PDZRN4: variants seen among roughly 807,000 people sequenced by gnomAD.
PDZRN4 encodes the protein PDZ domain containing ring finger 4, also known as PDZ domain-containing RING finger protein 4.
PDZRN4 carries 70 observed loss-of-function variants against 99.0 expected under a neutral mutation model. That is an observed-to-expected ratio of 0.71 (90% CI 0.58 to 0.86). The LOEUF (loss-of-function observed/expected upper bound fraction) is 0.86. Among genes scored for constraint, PDZRN4 ranks in the 40% least tolerant of loss-of-function variants. The probability of loss-of-function intolerance (pLI) is 0.00; values close to 1 mark genes in which losing one functional copy is unlikely to be tolerated. For missense variants in PDZRN4, 1,474 were observed against 1,331.2 expected (o/e 1.11, Z -1.67); for synonymous variants, 551 against 501.6 (o/e 1.10, Z -1.32).
At chr12:41,422,769 C>A (rs1262740107) in intron 3 of PDZRN4, among the ~76,000 whole-genome samples, 5 of 152,152 alleles carry the variant, frequency 3.3e-5, no homozygotes, top group Non-Finnish European at 7.3e-5. Context: ...TGGGTGGGGA[C>A]ACAGAGCCAA....
chr12:41,342,023 T>C (rs1393937027), intron 3 of PDZRN4, among the ~76,000 whole-genome samples: 1 of 151,680 alleles, frequency 6.6e-6, no homozygotes, highest in Non-Finnish European at 1.5e-5. Flanking sequence ...TGGAACACAA[T>C]AAAAATCCCA....
intron 3 of PDZRN4, among the ~76,000 whole-genome samples, chr12:41,489,205 T>C (rs1377019535): frequency 6.6e-6 from 1 of 152,120 alleles, no homozygotes; most frequent in East Asian, 1.9e-4. Flanking sequence ...ACACCTCTGC[T>C]AGTCTAGGGA....
chr12:41,198,565 T>C (rs145810945), intron 3 of PDZRN4, among the ~76,000 whole-genome samples: 275 of 139,136 alleles, frequency 2.0e-3, no homozygotes, highest in Non-Finnish European at 3.2e-3. Flanking sequence ...TCCTTTTCTT[T>C]AGAAATAGTT....
chr12:41,324,680 T>A (rs2120980032), intron 3 of PDZRN4, among the ~76,000 whole-genome samples: 1 of 152,204 alleles, frequency 6.6e-6, no homozygotes, highest in African/African-American at 2.4e-5. Context: ...GTGGTATTTG[T>A]CATATATTCT....
At chr12:41,477,683 T>C (rs187134384) in intron 3 of PDZRN4, among the ~76,000 whole-genome samples, 195 of 152,252 alleles carry the variant, frequency 1.3e-3, no homozygotes, top group African/African-American at 4.2e-3. Context: ...TGATGTACAA[T>C]ATGAATATAA....
At chr12:41,565,423 T>C (rs1241702203) in intron 8 of PDZRN4, among the ~76,000 whole-genome samples, 1 of 147,502 alleles carries the variant, frequency 6.8e-6, no homozygotes, top group East Asian at 2.0e-4. Context: ...AATCAGTACA[T>C]GCTATAAAGT....
At chr12:41,205,820 C>T (rs1458079276) in intron 3 of PDZRN4, among the ~76,000 whole-genome samples, 1 of 151,882 alleles carries the variant, frequency 6.6e-6, no homozygotes. Flanking sequence ...ATGCTCGAGA[C>T]CAGCACCCAG....
chr12:41,515,558 T>A (rs890392489), intron 5 of PDZRN4, among the ~76,000 whole-genome samples: 3 of 152,070 alleles, frequency 2.0e-5, no homozygotes, highest in Admixed American at 6.6e-5. Context: ...ATTCTGTCAG[T>A]CTGGAGTTGG....
At chr12:41,333,295 C>T (rs1002719911) in intron 3 of PDZRN4, among the ~76,000 whole-genome samples, 2 of 152,080 alleles carry the variant, frequency 1.3e-5, no homozygotes, top group East Asian at 3.9e-4. Context: ...CCCTGTAAAC[C>T]TTCTTTCTCA....
chr12:41,498,412 G>A (rs369709371), intron 3 of PDZRN4, among the ~76,000 whole-genome samples: 1 of 152,132 alleles, frequency 6.6e-6, no homozygotes, highest in Non-Finnish European at 1.5e-5. Flanking sequence ...CACAGTTCTT[G>A]AGGGTGCTAA....
intron 5 of PDZRN4, among the ~76,000 whole-genome samples, chr12:41,542,065 G>A (rs1271941814): frequency 6.6e-6 from 1 of 152,130 alleles, no homozygotes; most frequent in Admixed American, 6.5e-5. Context: ...TACAATCATC[G>A]AATCAGAGAC....
chr12:41,513,222 G>A (rs1250418067), intron 5 of PDZRN4, among the ~76,000 whole-genome samples: 3 of 151,970 alleles, frequency 2.0e-5, no homozygotes, highest in African/African-American at 7.2e-5. Context: ...TCAGAGCCAC[G>A]GCAGACAAGC....
chr12:41,548,276 T>C (rs1488102897), intron 5 of PDZRN4, among the ~76,000 whole-genome samples: 1 of 152,234 alleles, frequency 6.6e-6, no homozygotes, highest in Non-Finnish European at 1.5e-5. Context: ...ATTTTTATAA[T>C]AGACTATCTA....
intron 3 of PDZRN4, among the ~76,000 whole-genome samples, chr12:41,493,776 G>C (rs1937935830): frequency 6.6e-6 from 1 of 151,818 alleles, no homozygotes. Flanking sequence ...TTATCTCAGT[G>C]GGCTGCTGAA....
chr12:41,243,515 GTGATATCACGGCATT>G (rs1474252881), intron 3 of PDZRN4, among the ~76,000 whole-genome samples: 5 of 152,282 alleles, frequency 3.3e-5, no homozygotes, highest in African/African-American at 1.2e-4. Flanking sequence ...ATTCATGCAA[GTGATATCACGGCATT>G]TGAATACGTT....
intron 3 of PDZRN4, chr12:41,437,931 C>T (rs1952645162): frequency 1.2e-6 from 2 of 1,613,856 alleles, no homozygotes; most frequent in South Asian, 2.2e-5. Flanking sequence ...TGCTCTCTCT[C>T]TCTGCTTCTT....
intron 3 of PDZRN4, among the ~76,000 whole-genome samples, chr12:41,488,376 CTT>C (rs916475985): frequency 1.3e-5 from 2 of 152,110 alleles, no homozygotes; most frequent in Non-Finnish European, 2.9e-5. Flanking sequence ...ATTTGGAAAA[CTT>C]AAGTTTAGAG....
At chr12:41,244,995 C>T (rs1049761460) in intron 3 of PDZRN4, among the ~76,000 whole-genome samples, 1 of 152,096 alleles carries the variant, frequency 6.6e-6, no homozygotes, top group African/African-American at 2.4e-5. Context: ...CGGCCCACAC[C>T]ACTGTCTTGA....
chr12:41,428,003 G>A (rs533614258), intron 3 of PDZRN4, among the ~76,000 whole-genome samples: 14 of 152,188 alleles, frequency 9.2e-5, no homozygotes, highest in African/African-American at 3.1e-4. Flanking sequence ...CAGGAGAATC[G>A]GTTGAACCCG....
Sources: allele counts gnomAD v4.1 joint callset (sites outside exome capture counted in the v4.1 genomes callset), GRCh38; gene constraint gnomAD v4.1.1; transcripts MANE v1.5; gene names NCBI Gene and HGNC (gene_info 2026-07-23, HGNC 2026-07-21).